The following INSRR variants were observed in gnomAD, a reference collection of about 807,000 sequenced individuals.
INSRR encodes the protein insulin receptor-related protein.
In INSRR, 114 loss-of-function variants were observed where a neutral mutation model predicts 130.0. The ratio of observed to expected loss-of-function variants is 0.88; its 90% CI spans 0.75 to 1.02. The LOEUF (loss-of-function observed/expected upper bound fraction) is 1.02. Ranked by LOEUF, INSRR falls within the 50% of genes least tolerant of loss-of-function variation. The pLI is 0.00. For synonymous variants in INSRR, 674 were observed against 705.2 expected (o/e 0.96, Z 0.70); for missense variants, 1,657 against 1,735.2 (o/e 0.95, Z 0.80).
chr1:156,855,269 T>G (rs1305356676), intron 1 of INSRR, among the ~76,000 whole-genome samples: 1 of 152,012 alleles, frequency 6.6e-6, no homozygotes, highest in Non-Finnish European at 1.5e-5. Context: ...AGTGGCACAA[T>G]CTCAGCTCAC....
At position 156,856,369 on chromosome 1, in the gene INSRR, G is replaced by A. The variant is rs202173423; in HGVS notation, c.86-2066C>T. Among the ~76,000 whole-genome samples, 297 of 152,300 alleles carry A rather than the reference G, an allele frequency of 2.0e-3. 2 individuals are homozygous for A. The highest frequency in any genetic ancestry group is 6.9e-3 in the African/African-American group (287 of 41,556). On this transcript the variant is annotated intron_variant, in intron 1 of 21. Transcript: ENST00000368195. ...CTTTGCAGGTCCCATGTCTCTCCCA[G>A]TCTTAAGGGAGTTAGATGCCTGTTC...
At chr1:156,858,210 C>T (rs1655478458) in intron 1 of INSRR, among the ~76,000 whole-genome samples, 1 of 152,208 alleles carries the variant, frequency 6.6e-6, no homozygotes, top group Non-Finnish European at 1.5e-5. Flanking sequence ...CATTCAGTGG[C>T]CCTAGAGATG....
Position 156,845,221 on chromosome 1 carries a change from C to T in INSRR, c.2292G>A (p.Glu764=), listed in dbSNP as rs1654948826. The change falls in exon 12 of 22, where the codon GAG becomes GAA. Residue 764 remains glutamate (E), a synonymous_variant. Transcript: ENST00000368195. The part of the protein sequence containing the change: ...GGNSSDFEIQ[E]DKVPRERAVL... ...CCGCTCGCTCACGGGGCACCTTGTC[C>T]TCCTGGATCTCGAAATCCGAGCTGT... 1.2e-6 allele frequency: 2 copies of T among 1,609,820 alleles called. No homozygotes were observed. Among genetic ancestry groups the T allele is most frequent in the South Asian group, 2.2e-5 (2 of 90,394 alleles).
Position 156,849,055 on chromosome 1 carries a change from G to A in INSRR, c.1445-8C>T. ...GCAGGGTGCGAGTCTGGCCTGGGTG[G>A]GGCGAGGGGCCTGCTCGCAACCGCG... On this transcript the variant is annotated splice_polypyrimidine_tract_variant and splice_region_variant and intron_variant, in intron 6 of 21. Coordinates refer to ENST00000368195, the MANE Select transcript of INSRR (RefSeq NM_014215.3). The A allele has an allele frequency of 6.2e-7, 1 of 1,611,558 alleles. No individual in the cohort carries two copies. Among genetic ancestry groups the A allele is most frequent in the Non-Finnish European group, 8.5e-7 (1 of 1,179,148 alleles).
chr1:156,851,699 A>G lies in INSRR; in HGVS notation c.1031T>C (p.Leu344Pro), dbSNP rs1306819489. ...TIDSIQAAQD[L>P]VGCTHVEGSL... ...TCCCTCCACATGCGTGCAGCCCACA[A>G]GATCCTGTGCCGCCTGGATGGAGTC... Residue 344 changes from leucine (L) to proline (P), a missense_variant, in exon 4 of 22, where the codon CTT becomes CCT. Leu to Pro is a moderately conservative substitution (Grantham distance 98, BLOSUM62 -3). Transcript: ENST00000368195. 3 of 1,614,096 alleles carry G rather than the reference A, an allele frequency of 1.9e-6. No homozygotes were observed. The highest frequency in any genetic ancestry group is 1.7e-6 in the Non-Finnish European group (2 of 1,180,018).
chr1:156,851,803 C>A lies in INSRR; in HGVS notation c.942-15G>T, dbSNP rs375265157. ...GGCAGAATATGCTAGCAGGAGCAAG[C>A]AGATGTCCTGAGCCTTGGACCAGTT... On this transcript the variant is annotated splice_polypyrimidine_tract_variant and intron_variant, in intron 3 of 21. Transcript: ENST00000368195. 7.5e-6 allele frequency: 12 copies of A among 1,602,280 alleles called. No individual in the cohort carries two copies. Among genetic ancestry groups the A allele is most frequent in the Non-Finnish European group, 8.5e-6 (10 of 1,172,416 alleles).
Position 156,849,425 on chromosome 1 carries a change from A to G in INSRR, c.1265T>C (p.Leu422Pro), listed in dbSNP as rs748331557. ...GGCCACCCAGGACCCTAGCTGTTGT[A>G]GGTTCTGGTTGTCCAGCACGTAGAG... is the stretch of plus-strand genomic sequence containing the variant. ...YTLYVLDNQN[L>P]QQLGSWVAAG... The change falls in exon 6 of 22, where the codon CTA (leucine) becomes CCA (proline). Residue 422 changes from leucine (L) to proline (P), a missense_variant. Physicochemically the swap from Leu to Pro is moderately conservative, Grantham distance 98. Coordinates refer to ENST00000368195, the MANE Select transcript of INSRR (RefSeq NM_014215.3). 6.9e-6 allele frequency: 10 copies of G among 1,442,842 alleles called. No individual in the cohort carries two copies. In the Admixed American group the frequency reaches 1.9e-4, roughly 27 times the overall value. The allele number at this position is 1,442,842 out of a possible 1,614,324, so 89.4% of individuals were successfully genotyped here. A position where few individuals can be genotyped will look rare whatever the true frequency, so the allele number is the denominator to read the frequency against.
In INSRR at chr1:156,851,457, G is replaced by A. The variant is rs560767980; in HGVS notation, c.1085-23C>T. 46 of 1,613,996 alleles carry A rather than the reference G, an allele frequency of 2.9e-5. No individual in the cohort carries two copies. In the South Asian group the frequency reaches 4.7e-4, roughly 17 times the overall value. On this transcript the variant is annotated intron_variant, in intron 4 of 21. Coordinates refer to ENST00000368195, the MANE Select transcript of INSRR (RefSeq NM_014215.3). ...TGTCTAGGGATGGGAAGACAGGGCT[G>A]GAGTAGGAGCAAGGAAGGTGATGGG...
intron 2 of INSRR, among the ~76,000 whole-genome samples, chr1:156,852,915 C>T (rs558324791): frequency 3.9e-5 from 6 of 152,168 alleles, no homozygotes; most frequent in African/African-American, 9.6e-5. Flanking sequence ...GCTGCTGAGG[C>T]GCTGGGGGTG....
At chr1:156,843,519 C>G in intron 15 of INSRR, 40 bp from the exon 16 acceptor site, 1 of 1,596,912 alleles carries the variant, frequency 6.3e-7, no homozygotes, top group East Asian at 2.2e-5. Context: ...GAAGGGTTCT[C>G]AGGAAGGAAT....
At chr1:156,844,373 G>A in intron 14 of INSRR, 89 bp downstream of exon 14, 2 of 1,561,938 alleles carry the variant, frequency 1.3e-6, no homozygotes, top group Non-Finnish European at 8.8e-7. Flanking sequence ...GGTGAGGATG[G>A]GGAGGGATGC....
chr1:156,843,248 A>T lies in INSRR; in HGVS notation c.2897-15T>A. On this transcript the variant is annotated splice_polypyrimidine_tract_variant and intron_variant, in intron 16 of 21. Coordinates refer to ENST00000368195, the MANE Select transcript of INSRR (RefSeq NM_014215.3). ...AGGGACATACACTGCAAGGAGGTGG[A>T]GGGTCACAAAGCGAGGATGCTGCTC... 3 of 1,610,928 alleles carry T rather than the reference A, an allele frequency of 1.9e-6. No individual in the cohort carries two copies. Among genetic ancestry groups the T allele is most frequent in the Non-Finnish European group, 2.5e-6 (3 of 1,177,116 alleles).
chr1:156,843,122 G>C lies in INSRR; in HGVS notation c.3008C>G (p.Ala1003Gly). 1 of 1,614,116 alleles carries C rather than the reference G, an allele frequency of 6.2e-7. No individual in the cohort carries two copies. The highest frequency in any genetic ancestry group is 8.5e-7 in the Non-Finnish European group (1 of 1,180,024). Reference sequence around the variant, plus strand: ...GGCCACGGGTGTGGACTCCTCTCCAGCCTCAAGTCCTCGTGCCAGCCCCTC... The same window carrying C: ...GGCCACGGGTGTGGACTCCTCTCCACCCTCAAGTCCTCGTGCCAGCCCCTC... Reference protein sequence around the residue: ...VYEGLARGLEAGEESTPVALK... With the variant: ...VYEGLARGLEGGEESTPVALK... Residue 1003 changes from alanine (A) to glycine (G), a missense_variant, in exon 17 of 22, where the codon GCT (alanine) becomes GGT (glycine). Physicochemically the swap from Ala to Gly is moderately conservative, Grantham distance 60 (BLOSUM62 0). Coordinates refer to ENST00000368195, the MANE Select transcript of INSRR (RefSeq NM_014215.3).
Position 156,852,099 on chromosome 1 carries a change from G to A in INSRR, c.730C>T (p.Arg244Cys), listed in dbSNP as rs752256376. ...LGGCSQPEDP[R>C]ACVACRHLYF... is the part of the protein sequence containing the mutation. Reference sequence around the variant, plus strand: ...AGGTGGCGGCAAGCTACACAGGCACGAGGGTCTTCTGGCTGGCTGCAGCCC... The same window carrying A: ...AGGTGGCGGCAAGCTACACAGGCACAAGGGTCTTCTGGCTGGCTGCAGCCC... Residue 244 changes from arginine (R) to cysteine (C), a missense_variant, in exon 3 of 22, where the codon CGT becomes TGT. Arg to Cys is a radical substitution (Grantham distance 180). Transcript: ENST00000368195. 3.1e-6 allele frequency: 5 copies of A among 1,613,734 alleles called. No individual in the cohort carries two copies. Among genetic ancestry groups the A allele is most frequent in the South Asian group, 1.1e-5 (1 of 91,084 alleles).
intron 1 of INSRR, 75 bp downstream of exon 1, chr1:156,858,462 T>C: frequency 9.0e-7 from 1 of 1,106,492 alleles, no homozygotes. Context: ...GTGCTGTGGC[T>C]GCAAGCTCAG....
intron 1 of INSRR, 40 bp downstream of exon 1, chr1:156,858,497 G>A (rs766788352): frequency 1.9e-6 from 3 of 1,539,740 alleles, no homozygotes; most frequent in Middle Eastern, 1.7e-4. Flanking sequence ...AGCTGGCTGG[G>A]AGGGAGGTAG....
chr1:156,848,960 G>A lies in INSRR; in HGVS notation c.1532C>T (p.Ala511Val), dbSNP rs779090501. The A allele has an allele frequency of 1.2e-6, 2 of 1,601,786 alleles. No homozygotes were observed. Among genetic ancestry groups the A allele is most frequent in the East Asian group, 2.3e-5 (1 of 44,412 alleles). ...LRWERYEPLEARDLLSFIVYY... is the reference protein window; with the variant it reads ...LRWERYEPLEVRDLLSFIVYY... ...CACGATGAAGCTGAGCAGGTCGCGG[G>A]CCTCCAGTGGCTCATAGCGCTCCCA... is the stretch of plus-strand genomic sequence containing the variant. Residue 511 changes from alanine to valine, a missense_variant, in exon 7 of 22, where the codon GCC becomes GTC. Coordinates refer to ENST00000368195, the MANE Select transcript of INSRR (RefSeq NM_014215.3).
Position 156,842,104 on chromosome 1 carries a change from C to T in INSRR, c.3397+8G>A, listed in dbSNP as rs145596747. The stretch of plus-strand genomic sequence containing the variant: ...AGGCCGCCCTCATCTGCCTGGCACC[C>T]TCTGTACCCCCGATCTTGACGGTGA... On this transcript the variant is annotated splice_region_variant and intron_variant, in intron 19 of 21. Coordinates refer to ENST00000368195, the MANE Select transcript of INSRR (RefSeq NM_014215.3). 3.1e-6 allele frequency: 5 copies of T among 1,613,854 alleles called. No homozygotes were observed. Among genetic ancestry groups the T allele is most frequent in the Non-Finnish European group, 3.4e-6 (4 of 1,179,954 alleles).
In INSRR at chr1:156,858,608, C is replaced by G; in HGVS notation, c.14G>C (p.Ser5Thr). 2 of 1,614,062 alleles carry G rather than the reference C, an allele frequency of 1.2e-6. No individual in the cohort carries two copies. The highest frequency in any genetic ancestry group is 2.2e-5 in the South Asian group (2 of 91,074). ...CAGGCATGCTCCCCAGGGCCACAGA[C>G]TAGGCACTGCCATTGTCCCAGCCCT... Reference protein sequence around the residue: MAVPSLWPWGACLPV... With the variant: MAVPTLWPWGACLPV... Residue 5 changes from serine (S) to threonine (T), a missense_variant, in exon 1 of 22, where the codon AGT becomes ACT. Physicochemically the swap from Ser to Thr is moderately conservative, Grantham distance 58. Transcript: ENST00000368195.
Sources: gnomAD v4.1 joint callset for allele counts (sites outside exome capture counted in the v4.1 genomes callset) on GRCh38, gnomAD v4.1.1 for gene constraint, MANE v1.5 for transcripts, NCBI Gene and HGNC (gene_info 2026-07-23, HGNC 2026-07-21) for gene names.